PLXDC1: variants seen among roughly 807,000 people sequenced by gnomAD.
PLXDC1 encodes the protein plexin domain containing 1, also known as plexin domain-containing protein 1.
In PLXDC1, 39 loss-of-function variants were observed where a neutral mutation model predicts 61.3. The ratio of observed to expected loss-of-function variants is 0.64; its 90% confidence interval spans 0.49 to 0.83. The LOEUF (loss-of-function observed/expected upper bound fraction) is 0.83, where lower values mean the gene tolerates loss of function less well. PLXDC1 is among the 40% of genes least tolerant of loss of function. PLXDC1 has a pLI of 0.00. For synonymous variants in PLXDC1, 212 were observed against 254.5 expected (o/e 0.83, Z 1.59); for missense variants, 596 against 666.5 (o/e 0.89, Z 1.17).
intron 11 of PLXDC1, among the ~76,000 whole-genome samples, chr17:39,074,694 C>G (rs1053596738): frequency 3.3e-5 from 5 of 152,146 alleles, no homozygotes; most frequent in African/African-American, 1.2e-4. Flanking sequence ...TAGCCTCTGA[C>G]ACTGTGCCTC....
intron 9 of PLXDC1, chr17:39,079,495 C>G (rs780109779): frequency 2.1e-6 from 1 of 474,686 alleles, no homozygotes; most frequent in South Asian, 1.5e-5. Context: ...CCAGGCAATT[C>G]ACATACGTGT....
upstream of PLXDC1, chr17:39,152,360 G>C: frequency 4.1e-6 from 2 of 487,168 alleles, no homozygotes; most frequent in Non-Finnish European, 6.4e-6. Flanking sequence ...TCAATCTTCA[G>C]AGCCAGCCCC....
At chr17:39,141,916 C>T (rs1046270112) in intron 1 of PLXDC1, among the ~76,000 whole-genome samples, 9 of 152,038 alleles carry the variant, frequency 5.9e-5, no homozygotes, top group African/African-American at 1.4e-4. Context: ...TTAGTGATGC[C>T]GAACATCTTT....
At chr17:39,140,686 T>C (rs1397749416) in intron 1 of PLXDC1, among the ~76,000 whole-genome samples, 2 of 152,240 alleles carry the variant, frequency 1.3e-5, no homozygotes, top group Non-Finnish European at 2.9e-5. Flanking sequence ...ACCATTGCCG[T>C]TGAGCCTTCC....
intron 11 of PLXDC1, among the ~76,000 whole-genome samples, chr17:39,074,862 G>A (rs919413080): frequency 1.3e-5 from 2 of 152,204 alleles, no homozygotes; most frequent in East Asian, 3.9e-4. Flanking sequence ...TGTAGGAGGA[G>A]CTTTCTTTGA....
chr17:39,076,091 GAAAA>G (rs113083788), intron 11 of PLXDC1, among the ~76,000 whole-genome samples: 5,088 of 88,616 alleles, frequency 0.057, 89 homozygotes, highest in South Asian at 0.081. Context: ...AAAAAAAAAA[GAAAA>G]AAAAAAAAAG....
intron 11 of PLXDC1, among the ~76,000 whole-genome samples, chr17:39,076,772 G>A (rs1345124404): frequency 6.6e-6 from 1 of 152,102 alleles, no homozygotes. Context: ...GTCTTGCCCT[G>A]CCACCCAGGC....
At chr17:39,138,307 T>C (rs1242735165) in intron 2 of PLXDC1, among the ~76,000 whole-genome samples, 2 of 151,968 alleles carry the variant, frequency 1.3e-5, no homozygotes, top group Admixed American at 1.3e-4. Flanking sequence ...GAAAACTAAG[T>C]AAGCAAGGGC....
chr17:39,112,518 T>C (rs1256823491), intron 2 of PLXDC1, among the ~76,000 whole-genome samples: 1 of 137,004 alleles, frequency 7.3e-6, no homozygotes, highest in Non-Finnish European at 1.5e-5. Context: ...AGTGCAGTGG[T>C]GCGATCTCAG....
At chr17:39,093,718 AATATAT>A (rs35254356) in intron 7 of PLXDC1, among the ~76,000 whole-genome samples, 1 of 150,268 alleles carries the variant, frequency 6.7e-6, no homozygotes, top group African/African-American at 2.4e-5. Flanking sequence ...TCCGTCTTAA[AATATAT>A]ATATATATAT....
chr17:39,098,644 G>C (rs1910310852), intron 7 of PLXDC1, among the ~76,000 whole-genome samples: 1 of 152,216 alleles, frequency 6.6e-6, no homozygotes, highest in Admixed American at 6.5e-5. Context: ...TATCAGCGAA[G>C]TGCCGGGGGG....
In PLXDC1 at chr17:39,128,127, G is replaced by GTGTATATATA. The variant is rs1313978868; in HGVS notation, c.255+11517_255+11526dup. ...TATATATATATATGTATATATATAT[G>GTGTATATATA]TGTATATATATGTATATATATGTGT... is the stretch of plus-strand genomic sequence containing the variant. On this transcript the variant is annotated intron_variant, in intron 2 of 13. Transcript: ENST00000315392. Among the ~76,000 whole-genome samples, 200 of 56,212 alleles carry GTGTATATATA rather than the reference G, an allele frequency of 3.6e-3. 21 individuals carry two copies. The highest frequency in any genetic ancestry group is 0.013 in the African/African-American group (172 of 13,220). 36.9% of individuals were successfully genotyped at this position (56,212 alleles called of 152,430 possible).
At chr17:39,097,922 A>G (rs80169496) in intron 7 of PLXDC1, among the ~76,000 whole-genome samples, 1 of 142,054 alleles carries the variant, frequency 7.0e-6, no homozygotes, top group African/African-American at 2.5e-5. Context: ...AAAAAAAAAA[A>G]GGCCAGGTGC....
chr17:39,143,312 A>AT (rs1257527374), intron 1 of PLXDC1, among the ~76,000 whole-genome samples: 1 of 152,034 alleles, frequency 6.6e-6, no homozygotes, highest in African/African-American at 2.4e-5. Context: ...ACCCTCTTCC[A>AT]TTTCAGGCCC....
chr17:39,067,900 A>G lies in PLXDC1; in HGVS notation c.1443T>C (p.Tyr481=), dbSNP rs1455132973. 2 of 1,611,584 alleles carry G rather than the reference A, an allele frequency of 1.2e-6. No homozygotes were observed. The highest frequency in any genetic ancestry group is 1.7e-5 in the Admixed American group (1 of 60,018). The change falls in exon 14 of 14, where the codon TAT becomes TAC. Residue 481 remains tyrosine (Y), a synonymous_variant. Transcript: ENST00000315392. ...CATGGCCCGAGGGCTCCACCTCCGCATAGGTGGAATGGTCAGGGTGGCTGC... is the reference window on the plus strand; with the variant it reads ...CATGGCCCGAGGGCTCCACCTCCGCGTAGGTGGAATGGTCAGGGTGGCTGC... The part of the protein sequence containing the change: ...KFRSHPDHST[Y]AEVEPSGHEK...
rs869300584 is a variant in PLXDC1 at position 39,146,948 on chromosome 17, A to ATT, written c.76+4412_76+4413dup. 5.8e-3 allele frequency among the ~76,000 whole-genome samples: 431 copies of ATT among 74,670 alleles called. 2 individuals carry two copies. The highest frequency in any genetic ancestry group is 8.5e-3 in the Middle Eastern group (1 of 118). 49.0% of individuals were successfully genotyped at this position (74,670 alleles called of 152,430 possible). On this transcript the variant is annotated intron_variant, in intron 1 of 13. Transcript: ENST00000315392. ...TTCGAAGACCCTCAGACAGGAAATG[A>ATT]TTTTTTTTTTTTTTTTTTTTTTTTT...
At chr17:39,131,455 C>T (rs9889271) in intron 2 of PLXDC1, among the ~76,000 whole-genome samples, 53,939 of 151,626 alleles carry the variant, frequency 0.36, 10,038 homozygotes, top group Non-Finnish European at 0.41. Flanking sequence ...CAGGTTCAAG[C>T]GATTCTCCTG....
At chr17:39,109,516 C>A in intron 2 of PLXDC1, 125 bp from the exon 3 acceptor site, 1 of 1,204,446 alleles carries the variant, frequency 8.3e-7, no homozygotes. Context: ...GGTGCTGGAC[C>A]TGTGGCCCCA....
intron 7 of PLXDC1, among the ~76,000 whole-genome samples, chr17:39,090,887 G>GTC (rs66505513): frequency 4.1e-4 from 61 of 148,958 alleles, no homozygotes; most frequent in East Asian, 1.9e-4. Flanking sequence ...TTCTCCCTCT[G>GTC]TCTCTCTCTC....
Sources: gnomAD v4.1 joint callset for allele counts (sites outside exome capture counted in the v4.1 genomes callset) on GRCh38, gnomAD v4.1.1 for gene constraint, MANE v1.5 for transcripts, NCBI Gene and HGNC (gene_info 2026-07-23, HGNC 2026-07-21) for gene names.